The following SCHIP1 variants were observed in gnomAD, a reference collection of about 807,000 sequenced individuals.
The protein encoded by SCHIP1 is schwannomin interacting protein 1.
Under a neutral mutation model 29.7 loss-of-function variants are expected in SCHIP1, and 8 were observed. The observed-to-expected ratio is 0.27, with a 90% CI of 0.16 to 0.49. The LOEUF is 0.49. Among genes scored for constraint, SCHIP1 ranks in the 20% least tolerant of loss-of-function variants. SCHIP1 has a pLI of 0.99. For missense variants in SCHIP1, 193 were observed against 294.6 expected, an observed-to-expected ratio of 0.66 and a Z score of 2.52; for synonymous variants, 76 against 94.9, an observed-to-expected ratio of 0.80 and a Z score of 1.16.
At chr3:159,728,581 A>C in the SCHIP1 span, among the ~76,000 whole-genome samples, 2 of 152,318 alleles carry the variant, frequency 1.3e-5, no homozygotes, top group Non-Finnish European at 2.9e-5. Flanking sequence ...GAAACAAAAG[A>C]AGAGGAGCTC....
the SCHIP1 span, among the ~76,000 whole-genome samples, chr3:159,325,517 T>C: frequency 6.6e-6 from 1 of 152,134 alleles, no homozygotes; most frequent in African/African-American, 2.4e-5. Context: ...TTATGAAAGC[T>C]GGAATTGCTT....
At chr3:159,510,513 A>T in the SCHIP1 span, among the ~76,000 whole-genome samples, 5 of 152,168 alleles carry the variant, frequency 3.3e-5, no homozygotes, top group Non-Finnish European at 7.3e-5. Flanking sequence ...GCTGGTAAGG[A>T]GCTGCGTTCC....
At chr3:159,860,439 G>T (rs1713925422) in intron 1 of SCHIP1, among the ~76,000 whole-genome samples, 2 of 152,126 alleles carry the variant, frequency 1.3e-5, no homozygotes, top group Non-Finnish European at 2.9e-5. Flanking sequence ...GCAAGATCTT[G>T]AGGTGACTCA....
the SCHIP1 span, among the ~76,000 whole-genome samples, chr3:159,750,288 TATATATATACAC>T: frequency 3.3e-5 from 4 of 120,108 alleles, no homozygotes; most frequent in African/African-American, 1.3e-4. Flanking sequence ...TATATATATA[TATATATATACAC>T]ACACACACAC....
the SCHIP1 span, among the ~76,000 whole-genome samples, chr3:159,652,456 AGACCTGCCCT>A: frequency 1.3e-5 from 2 of 152,192 alleles, no homozygotes; most frequent in Non-Finnish European, 2.9e-5. Context: ...TAGGGGACCC[AGACCTGCCCT>A]GTGTTTTCCT....
At chr3:159,732,811 T>G in the SCHIP1 span, among the ~76,000 whole-genome samples, 5 of 152,244 alleles carry the variant, frequency 3.3e-5, no homozygotes, top group East Asian at 9.6e-4. Context: ...ATACTGCTTC[T>G]GCAAGTGCTG....
At chr3:159,453,479 T>C in the SCHIP1 span, among the ~76,000 whole-genome samples, 3 of 152,212 alleles carry the variant, frequency 2.0e-5, no homozygotes, top group African/African-American at 7.2e-5. Flanking sequence ...CTTTAATTTT[T>C]GTAATCCAGG....
At chr3:159,590,663 G>A in the SCHIP1 span, among the ~76,000 whole-genome samples, 2 of 152,142 alleles carry the variant, frequency 1.3e-5, no homozygotes, top group African/African-American at 4.8e-5. Context: ...CCCTCTCCCT[G>A]TGTAGCCTTT....
At chr3:159,711,360 C>CAAAAAA in the SCHIP1 span, among the ~76,000 whole-genome samples, 2 of 6,748 alleles carry the variant, frequency 3.0e-4, no homozygotes, top group Non-Finnish European at 4.0e-4. Context: ...GACTCCGTCT[C>CAAAAAA]AAAAAAAAAA....
the SCHIP1 span, among the ~76,000 whole-genome samples, chr3:159,439,306 G>A: frequency 2.0e-5 from 3 of 152,122 alleles, no homozygotes; most frequent in African/African-American, 7.2e-5. Flanking sequence ...TAGTTGGGGA[G>A]GCTTCAGAAA....
the SCHIP1 span, among the ~76,000 whole-genome samples, chr3:159,651,443 C>A: frequency 6.6e-6 from 1 of 152,124 alleles, no homozygotes; most frequent in Admixed American, 6.6e-5. Context: ...CTCCTGGAAG[C>A]CTTTTTATGA....
chr3:159,896,721 A>T lies in SCHIP1; in HGVS notation c.684-2A>T. 6.2e-7 allele frequency: 1 copy of T among 1,601,850 alleles called. No individual in the cohort carries two copies. The highest frequency in any genetic ancestry group is 8.5e-7 in the Non-Finnish European group (1 of 1,175,672). ...TAAATAATTGTATTAATTGTTTTAC[A>T]GACATGCTGAAAGTCAGCAGAAGCA... On this transcript the variant is annotated splice_acceptor_variant, in intron 6 of 6. Coordinates refer to ENST00000445224, the Ensembl canonical transcript of SCHIP1. LOFTEE classifies it high-confidence loss of function.
chr3:159,486,542 T>C, the SCHIP1 span, among the ~76,000 whole-genome samples: 1 of 152,220 alleles, frequency 6.6e-6, no homozygotes, highest in Admixed American at 6.6e-5. Context: ...TCTAGGAGTT[T>C]TGTGATTTCA....
the SCHIP1 span, among the ~76,000 whole-genome samples, chr3:159,520,032 G>A: frequency 6.6e-6 from 1 of 151,308 alleles, no homozygotes; most frequent in East Asian, 1.9e-4. Flanking sequence ...ACTTGTATTG[G>A]GTTCCAGACA....
At chr3:159,351,659 T>A in the SCHIP1 span, among the ~76,000 whole-genome samples, 1 of 152,204 alleles carries the variant, frequency 6.6e-6, no homozygotes, top group African/African-American at 2.4e-5. Flanking sequence ...AAGATCAAAT[T>A]GCAAGATAAG....
chr3:159,582,211 C>T, the SCHIP1 span, among the ~76,000 whole-genome samples: 2 of 151,842 alleles, frequency 1.3e-5, no homozygotes, highest in Non-Finnish European at 2.9e-5. Context: ...CTCACTGTTC[C>T]CCAGGCTGAA....
chr3:159,888,084 A>C, intron 4 of SCHIP1, 179 bp downstream of exon 5: 1 of 847,912 alleles, frequency 1.2e-6, no homozygotes. Flanking sequence ...GGACTGAAAA[A>C]TACAGAAGCA....
At chr3:159,886,912 G>A (rs544200580) in intron 3 of SCHIP1, 40 of 154,856 alleles carry the variant, frequency 2.6e-4, no homozygotes, top group Non-Finnish European at 4.7e-4. Flanking sequence ...AGCAAGTCAC[G>A]TCTTACATTT....
chr3:159,733,392 T>G, the SCHIP1 span, among the ~76,000 whole-genome samples: 1 of 152,084 alleles, frequency 6.6e-6, no homozygotes, highest in Non-Finnish European at 1.5e-5. Context: ...GAGATGGGTG[T>G]AGTATAGAAG....
Sources: allele counts gnomAD v4.1 joint callset (sites outside exome capture counted in the v4.1 genomes callset), GRCh38; gene constraint gnomAD v4.1.1; transcripts MANE v1.5; gene names NCBI Gene and HGNC (gene_info 2026-07-23, HGNC 2026-07-21).